The following PDE4D variants were observed in gnomAD, a reference collection of about 807,000 sequenced individuals.
The protein encoded by PDE4D is 3',5'-cyclic-AMP phosphodiesterase 4D.
In PDE4D, 24 loss-of-function variants were observed where a neutral mutation model predicts 87.4. The observed-to-expected ratio is 0.27, with a 90% CI of 0.20 to 0.39. The LOEUF is 0.39. Ranked by LOEUF, PDE4D falls within the 10% of genes least tolerant of loss-of-function variation. PDE4D has a pLI of 1.00. For missense variants in PDE4D, 714 were observed against 1,041.0 expected, an observed-to-expected ratio of 0.69 and a Z score of 4.32; for synonymous variants, 384 against 383.2, an observed-to-expected ratio of 1.00 and a Z score of -0.02.
At chr5:60,482,566 G>A (rs1748815866) in intron 1 of PDE4D, among the ~76,000 whole-genome samples, 1 of 152,194 alleles carries the variant, frequency 6.6e-6, no homozygotes, top group Non-Finnish European at 1.5e-5. Context: ...GTGACAACAA[G>A]GTGATAAGAG....
chr5:59,326,143 G>A (rs914402386), intron 1 of PDE4D, among the ~76,000 whole-genome samples: 29 of 152,044 alleles, frequency 1.9e-4, no homozygotes, highest in Non-Finnish European at 2.5e-4. Context: ...GGAAGGGATA[G>A]CATTAGGAGA....
intron 2 of PDE4D, among the ~76,000 whole-genome samples, chr5:60,102,440 A>G (rs1776320066): frequency 6.6e-6 from 1 of 151,922 alleles, no homozygotes; most frequent in African/African-American, 2.4e-5. Flanking sequence ...AGTTGGGGAG[A>G]GTAGGGGAGA....
chr5:59,273,569 A>G (rs1764257714), intron 1 of PDE4D, among the ~76,000 whole-genome samples: 1 of 152,106 alleles, frequency 6.6e-6, no homozygotes, highest in Admixed American at 6.6e-5. Flanking sequence ...TATATTATTA[A>G]GTCAGATGTA....
At chr5:59,768,693 G>C in intron 1 of PDE4D, 1 of 1,420,772 alleles carries the variant, frequency 7.0e-7, no homozygotes, top group Admixed American at 2.7e-5. Context: ...CTCCTCCGCG[G>C]AAGCGTATTA....
chr5:59,806,926 C>T (rs796891944), intron 1 of PDE4D, among the ~76,000 whole-genome samples: 9 of 152,122 alleles, frequency 5.9e-5, no homozygotes, highest in East Asian at 1.9e-4. Context: ...CCTTTAAATA[C>T]GATTTGAAAT....
At chr5:60,217,619 A>T (rs1744011596) in intron 1 of PDE4D, among the ~76,000 whole-genome samples, 1 of 151,992 alleles carries the variant, frequency 6.6e-6, no homozygotes, top group Admixed American at 6.6e-5. Context: ...TTAATAAAAA[A>T]CTAGCAGGAC....
At chr5:59,327,012 A>G (rs1056902896) in intron 1 of PDE4D, among the ~76,000 whole-genome samples, 2 of 152,020 alleles carry the variant, frequency 1.3e-5, no homozygotes, top group African/African-American at 4.8e-5. Flanking sequence ...TTTACACCTA[A>G]CCATCTTCCA....
intron 3 of PDE4D, among the ~76,000 whole-genome samples, chr5:59,935,117 C>T (rs997852840): frequency 1.3e-5 from 2 of 152,000 alleles, no homozygotes; most frequent in East Asian, 3.9e-4. Context: ...TCATAAGTAT[C>T]CAATCCATTG....
At chr5:59,305,497 G>A (rs1024451365) in intron 1 of PDE4D, among the ~76,000 whole-genome samples, 2 of 151,846 alleles carry the variant, frequency 1.3e-5, no homozygotes, top group South Asian at 4.2e-4. Flanking sequence ...ACTGTAGATT[G>A]TCTTTTTTGC....
chr5:60,222,863 A>T (rs1016611804), intron 1 of PDE4D, among the ~76,000 whole-genome samples: 8 of 152,154 alleles, frequency 5.3e-5, no homozygotes, highest in Non-Finnish European at 1.0e-4. Flanking sequence ...ATGTTTGATG[A>T]AGAAATGAAC....
chr5:59,943,278 A>G (rs1237386788), intron 3 of PDE4D, among the ~76,000 whole-genome samples: 2 of 151,888 alleles, frequency 1.3e-5, no homozygotes, highest in Admixed American at 1.3e-4. Context: ...AAGGCAGTGG[A>G]GCTCAGATTC....
rs137898642 is a variant in PDE4D at position 59,294,413 on chromosome 5, T to C, written c.456-78445A>G. ...CTCAAATGGTGACATAATGTAACTA[T>C]ATTTTCCATCTTTAAATAGATCCTG... On this transcript the variant is annotated intron_variant, in intron 1 of 14. Transcript: ENST00000340635. Among the ~76,000 whole-genome samples the C allele has an allele frequency of 1.7e-3, 256 of 152,302 alleles. 1 individual carries two copies. Among genetic ancestry groups the C allele is most frequent in the African/African-American group, 5.9e-3 (244 of 41,568 alleles).
chr5:59,914,536 ATG>A (rs34257506), intron 3 of PDE4D, among the ~76,000 whole-genome samples: 7,462 of 145,156 alleles, frequency 0.051, 203 homozygotes, highest in African/African-American at 0.092. Flanking sequence ...AGGAAGATGT[ATG>A]TGTGTGTGTG....
chr5:59,342,287 A>G (rs1460745377), intron 1 of PDE4D, among the ~76,000 whole-genome samples: 2 of 152,172 alleles, frequency 1.3e-5, no homozygotes, highest in South Asian at 2.1e-4. Flanking sequence ...AGACAAATCC[A>G]TGAAAAAATT....
At chr5:60,263,014 C>T (rs1159846623) in intron 1 of PDE4D, among the ~76,000 whole-genome samples, 1 of 152,212 alleles carries the variant, frequency 6.6e-6, no homozygotes, top group African/African-American at 2.4e-5. Flanking sequence ...TAAACAAAAA[C>T]TCAGTCTTCA....
chr5:59,425,099 T>C (rs150528342), intron 1 of PDE4D, among the ~76,000 whole-genome samples: 154 of 152,294 alleles, frequency 1.0e-3, no homozygotes, highest in African/African-American at 3.5e-3. Flanking sequence ...GCCACACTAA[T>C]TCAGACAAAT....
intron 3 of PDE4D, among the ~76,000 whole-genome samples, chr5:59,965,016 T>C (rs899630723): frequency 5.9e-5 from 9 of 152,188 alleles, no homozygotes; most frequent in Non-Finnish European, 1.3e-4. Context: ...AAAGAACTTC[T>C]ACAATTTTCA....
intron 1 of PDE4D, among the ~76,000 whole-genome samples, chr5:60,476,755 C>T (rs921993312): frequency 2.0e-5 from 3 of 152,188 alleles, no homozygotes; most frequent in Non-Finnish European, 4.4e-5. Flanking sequence ...CACTCCCTCA[C>T]TTCAGAAGCC....
At chr5:60,396,543 T>C (rs1168421608) in intron 1 of PDE4D, among the ~76,000 whole-genome samples, 1 of 151,986 alleles carries the variant, frequency 6.6e-6, no homozygotes, top group Admixed American at 6.6e-5. Flanking sequence ...AGAGACAGGG[T>C]CTTGCTCTGT....
Sources: gnomAD v4.1 joint callset for allele counts (sites outside exome capture counted in the v4.1 genomes callset) on GRCh38, gnomAD v4.1.1 for gene constraint, MANE v1.5 for transcripts, NCBI Gene and HGNC (gene_info 2026-07-23, HGNC 2026-07-21) for gene names.